Variants in RYR3 observed in about 807,000 individuals in gnomAD.
The protein encoded by RYR3 is brain ryanodine receptor-calcium release channel.
A neutral mutation model predicts 584.3 loss-of-function variants in RYR3; 207 were observed. The ratio of observed to expected loss-of-function variants is 0.35; its 90% CI spans 0.32 to 0.40. The LOEUF (loss-of-function observed/expected upper bound fraction) is 0.40. RYR3 is among the 10% of genes least tolerant of loss of function. RYR3 has a pLI of 1.00. For synonymous variants in RYR3, 2,416 were observed against 2,248.5 expected (o/e 1.07, Z -2.11); for missense variants, 5,616 against 6,089.2 (o/e 0.92, Z 2.59).
At chr15:33,606,161 C>CT (rs1003400974) in intron 18 of RYR3, among the ~76,000 whole-genome samples, 2 of 151,968 alleles carry the variant, frequency 1.3e-5, no homozygotes, top group Non-Finnish European at 2.9e-5. Flanking sequence ...CTTAATGTTT[C>CT]TTTTTTTTAT....
At chr15:33,476,089 A>T (rs953148924) in intron 2 of RYR3, among the ~76,000 whole-genome samples, 3 of 152,234 alleles carry the variant, frequency 2.0e-5, no homozygotes, top group South Asian at 2.1e-4. Context: ...AAAGACAGAA[A>T]GACCACGGAT....
At chr15:33,835,181 C>A in intron 87 of RYR3, 109 bp downstream of exon 87, 1 of 824,708 alleles carries the variant, frequency 1.2e-6, no homozygotes, top group South Asian at 1.7e-5. Context: ...GCTGGACAAG[C>A]CATGCATATT....
intron 28 of RYR3, 185 bp from the exon 29 acceptor site, chr15:33,646,166 A>C: frequency 1.9e-6 from 1 of 522,436 alleles, no homozygotes; most frequent in Non-Finnish European, 3.4e-6. Context: ...CCAGGAGCAG[A>C]TCTGTTTCTT....
At chr15:33,453,585 C>G (rs2047309504) in intron 1 of RYR3, among the ~76,000 whole-genome samples, 1 of 152,004 alleles carries the variant, frequency 6.6e-6, no homozygotes, top group African/African-American at 2.4e-5. Context: ...GATGATTCTC[C>G]CAAAGAATGT....
intron 1 of RYR3, among the ~76,000 whole-genome samples, chr15:33,333,572 A>G (rs966520000): frequency 5.3e-5 from 8 of 152,194 alleles, no homozygotes; most frequent in Admixed American, 5.2e-4. Context: ...ACATATGACA[A>G]ACCCACAGCC....
At position 33,617,328 on chromosome 15, in the gene RYR3, C is replaced by T. The variant is rs887025027; in HGVS notation, c.2357+3953C>T. 5.3e-4 allele frequency among the ~76,000 whole-genome samples: 81 copies of T among 152,048 alleles called. 1 individual carries two copies. The highest frequency in any genetic ancestry group is 1.3e-3 in the African/African-American group (53 of 41,458). ...TTGGGAGGCTGAGGCAGGAGAATGG[C>T]GTGAACCTGGGAGGCGGAGCTTGCG... On this transcript the variant is annotated intron_variant, in intron 19 of 103. Transcript: ENST00000634891.
rs115119086 is a variant in RYR3 at position 33,662,231 on chromosome 15, G to A, written c.4701G>A (p.Ala1567=). ...FHYHTLRLYS[A]VCALGNSRVA... ...ACCACACGCTGAGGCTCTACAGCGC[G>A]GTGTGCGCCCTGGGAAACAGCCGCG... Residue 1567 remains alanine, a synonymous_variant, in exon 35 of 104, where the codon GCG becomes GCA. Coordinates refer to ENST00000634891, the MANE Select transcript of RYR3 (RefSeq NM_001036.6). The A allele has an allele frequency of 6.9e-4, 1,103 of 1,609,062 alleles. 4 individuals carry two copies. In the African/African-American group the frequency reaches 9.0e-3, roughly 13 times the overall value.
At chr15:33,515,118 A>G (rs550082073) in intron 3 of RYR3, among the ~76,000 whole-genome samples, 23 of 152,378 alleles carry the variant, frequency 1.5e-4, no homozygotes, top group Middle Eastern at 3.4e-3. Context: ...AGACCACATC[A>G]GTGAAAATTT....
intron 1 of RYR3, among the ~76,000 whole-genome samples, chr15:33,452,506 C>T (rs1055719377): frequency 1.3e-5 from 2 of 152,060 alleles, no homozygotes; most frequent in African/African-American, 2.4e-5. Context: ...AGACATAGGC[C>T]ATTGAGTATT....
intron 1 of RYR3, among the ~76,000 whole-genome samples, chr15:33,420,340 G>A (rs568622393): frequency 3.9e-5 from 6 of 152,294 alleles, no homozygotes; most frequent in African/African-American, 1.4e-4. Flanking sequence ...AGCAGGTGAC[G>A]ATGGGGTCTC....
chr15:33,365,141 A>G (rs1294789595), intron 1 of RYR3, among the ~76,000 whole-genome samples: 2 of 152,186 alleles, frequency 1.3e-5, no homozygotes, highest in Non-Finnish European at 2.9e-5. Flanking sequence ...ACTAAGAGCT[A>G]TTTTAGTTCA....
chr15:33,831,041 G>C lies in RYR3; in HGVS notation c.11413G>C (p.Ala3805Pro). ...DESGQHNFSK[A>P]LAVTKQIFNS... ...ATCTGGACAGCACAATTTTTCCAAAGCTCTGGCAGTCACCAAGCAGATTTT... is the reference window on the plus strand; with the variant it reads ...ATCTGGACAGCACAATTTTTCCAAACCTCTGGCAGTCACCAAGCAGATTTT... The change falls in exon 86 of 104, where the codon GCT (alanine) becomes CCT (proline). Residue 3805 changes from alanine to proline, a missense_variant. This residue lies in a region of RYR3 where 954 missense variants were observed against 1,132.2 expected (regional missense o/e 0.84). Transcript: ENST00000634891. The C allele has an allele frequency of 6.2e-7, 1 of 1,613,748 alleles. No individual in the cohort carries two copies.
At chr15:33,633,202 A>C in intron 24 of RYR3, 94 bp downstream of exon 24, 1 of 1,364,074 alleles carries the variant, frequency 7.3e-7, no homozygotes, top group Admixed American at 2.1e-5. Context: ...CAGAAGGAAG[A>C]GTTTGCCTTT....
In RYR3 at chr15:33,543,618, A is replaced by G. The variant is rs747493465; in HGVS notation, c.647-4A>G. ...ATTCACAGTAGAATATAATTCTCTT[A>G]CAGGATACCTACTTGGTGGGCATGT... On this transcript the variant is annotated splice_region_variant and splice_polypyrimidine_tract_variant and intron_variant, in intron 7 of 103. Transcript: ENST00000634891. 3 of 1,576,752 alleles carry G rather than the reference A, an allele frequency of 1.9e-6. No homozygotes were observed. The highest frequency in any genetic ancestry group is 1.7e-5 in the Admixed American group (1 of 59,930).
chr15:33,581,596 G>T lies in RYR3; in HGVS notation c.1526G>T (p.Ser509Ile), dbSNP rs2058597141. 2.5e-6 allele frequency: 4 copies of T among 1,613,678 alleles called. No individual in the cohort carries two copies. The Admixed American group carries it at 6.7e-5, about 27-fold the overall frequency. ...AHFAGIAREE[S>I]GMAWKEILNL... ...TTTGCAGGGATTGCAAGGGAAGAGA[G>T]TGGCATGGCCTGGAAAGAAATTCTG... Residue 509 changes from serine to isoleucine, a missense_variant, in exon 14 of 104, where the codon AGT becomes ATT. Ser to Ile is a moderately radical substitution (Grantham distance 142). Transcript: ENST00000634891.
intron 69 of RYR3, 116 bp from the exon 70 acceptor site, chr15:33,807,439 G>A (rs2076268073): frequency 1.0e-6 from 1 of 1,003,758 alleles, no homozygotes; most frequent in Non-Finnish European, 1.5e-6. Context: ...CTGTTGTGTT[G>A]GCTGAGAAAT....
At chr15:33,586,994 C>T (rs1288358153) in intron 16 of RYR3, among the ~76,000 whole-genome samples, 1 of 151,664 alleles carries the variant, frequency 6.6e-6, no homozygotes, top group Non-Finnish European at 1.5e-5. Flanking sequence ...CAGGCTTCGT[C>T]ACTGGCAGTC....
Position 33,699,886 on chromosome 15 carries a change from C to A in RYR3, c.6379+53C>A, listed in dbSNP as rs111406634. 1.8e-5 allele frequency: 29 copies of A among 1,580,046 alleles called. No homozygotes were observed. In the African/African-American group the frequency reaches 3.6e-4, roughly 20 times the overall value. ...ATCCAAACTCGAAGGTTACACTCCCCCTTTTGACCACTTAGGAAAATACAG... is the reference window on the plus strand; with the variant it reads ...ATCCAAACTCGAAGGTTACACTCCCACTTTTGACCACTTAGGAAAATACAG... On this transcript the variant is annotated intron_variant, in intron 41 of 103. Transcript: ENST00000634891.
chr15:33,841,687 T>A lies in RYR3; in HGVS notation c.13038-177T>A, dbSNP rs1567296870. ...CACCAAGATCATGGCTCATCCTCAT[T>A]GAATATAAATTTAATGTCCAGCCAC... On this transcript the variant is annotated intron_variant, in intron 90 of 103. Coordinates refer to ENST00000634891, the MANE Select transcript of RYR3 (RefSeq NM_001036.6). 4 of 586,774 alleles carry A rather than the reference T, an allele frequency of 6.8e-6. No individual in the cohort carries two copies. In the East Asian group the frequency reaches 1.1e-4, roughly 17 times the overall value. The allele number at this position is 586,774 out of a possible 1,614,324, so 36.3% of individuals were successfully genotyped here. A position where few individuals can be genotyped will look rare whatever the true frequency, so the allele number is the denominator to read the frequency against.
Sources: gnomAD v4.1 joint callset for allele counts (sites outside exome capture counted in the v4.1 genomes callset) on GRCh38, gnomAD v4.1.1 for gene constraint, gnomAD v4.1.1 regional missense constraint, MANE v1.5 for transcripts, NCBI Gene and HGNC (gene_info 2026-07-23, HGNC 2026-07-21) for gene names.